Variants in IP6K3 observed in about 807,000 individuals in gnomAD.
IP6K3 encodes the protein ATP:1D-myo-inositol-hexakisphosphate phosphotransferase.
In IP6K3, 20 loss-of-function variants were observed where a neutral mutation model predicts 28.8. That is an observed-to-expected ratio of 0.70 (90% CI 0.49 to 1.01). The LOEUF (loss-of-function observed/expected upper bound fraction) is 1.01. Among genes scored for constraint, IP6K3 ranks in the 50% least tolerant of loss-of-function variants. The pLI is 0.00. For missense variants in IP6K3, 480 were observed against 537.1 expected (o/e 0.89, Z 1.05); for synonymous variants, 213 against 221.3 (o/e 0.96, Z 0.33).
intron 1 of IP6K3, among the ~76,000 whole-genome samples, chr6:33,739,920 G>A (rs1223546239): frequency 1.3e-5 from 2 of 152,204 alleles, no homozygotes; most frequent in African/African-American, 2.4e-5. Context: ...CATGATGCTC[G>A]GAAGACAAAG....
At chr6:33,734,843 G>A (rs1455608793) in intron 2 of IP6K3, among the ~76,000 whole-genome samples, 3 of 152,204 alleles carry the variant, frequency 2.0e-5, no homozygotes, top group Non-Finnish European at 4.4e-5. Context: ...CCACATCGCA[G>A]CATCCCAAGC....
At position 33,722,725 on chromosome 6, in the gene IP6K3, C is replaced by A; in HGVS notation, c.1228G>T (p.Glu410Ter). The change falls in exon 6 of 6, where the codon GAA becomes TAA. Residue 410 changes from glutamate (E) to a stop codon, truncating the protein, a stop_gained. Transcript: ENST00000293756. LOFTEE classifies it high-confidence loss of function. ...IRILQDIQEGE is the reference protein window; with the variant it reads ...IRILQDIQEG Reference sequence around the variant, plus strand: ...CCAGATAAGCCCAGGAAGTTTCATTCTCCCTCTTGGATATCCTGCAGGATC... The same window carrying A: ...CCAGATAAGCCCAGGAAGTTTCATTATCCCTCTTGGATATCCTGCAGGATC... 1 of 1,598,356 alleles carries A rather than the reference C, an allele frequency of 6.3e-7. No homozygotes were observed. Among genetic ancestry groups the A allele is most frequent in the Non-Finnish European group, 8.5e-7 (1 of 1,170,404 alleles).
chr6:33,758,971 C>T, the IP6K3 span, among the ~76,000 whole-genome samples: 1 of 152,158 alleles, frequency 6.6e-6, no homozygotes, highest in Non-Finnish European at 1.5e-5. Flanking sequence ...ATTTACGTGT[C>T]GTAACACTAA....
At position 33,746,359 on chromosome 6, in the gene IP6K3, G is replaced by A. The variant is rs147876535; in HGVS notation, c.-180+399C>T. On this transcript the variant is annotated intron_variant, in intron 1 of 5. Coordinates refer to ENST00000293756, the MANE Select transcript of IP6K3 (RefSeq NM_054111.5). The surrounding 1 kb of genome is among the most constrained non-coding windows in gnomAD (Gnocchi z 6.5). ...ATGCTGCCCGCGTTTCTTGGACACC[G>A]GCCTCTGTTAAGGGTTAACGCAGCC... 2.7e-3 allele frequency among the ~76,000 whole-genome samples: 412 copies of A among 152,208 alleles called. 2 individuals are homozygous for A. The highest frequency in any genetic ancestry group is 9.0e-3 in the African/African-American group (372 of 41,504).
intron 1 of IP6K3, 78 bp from the exon 2 acceptor site, chr6:33,735,733 C>A: frequency 1.4e-6 from 1 of 705,076 alleles, no homozygotes; most frequent in Non-Finnish European, 2.2e-6. Flanking sequence ...GAAGGGCCCA[C>A]ACAGCCTCGA....
chr6:33,758,143 C>T, the IP6K3 span, among the ~76,000 whole-genome samples: 1 of 152,092 alleles, frequency 6.6e-6, no homozygotes, highest in Non-Finnish European at 1.5e-5. Context: ...ATCAGATTAC[C>T]GGAGGTATGT....
upstream of IP6K3, among the ~76,000 whole-genome samples, chr6:33,750,722 C>T (rs115184759): frequency 6.6e-6 from 1 of 152,310 alleles, no homozygotes; most frequent in African/African-American, 2.4e-5. This position sits in a 1 kb window ranked among gnomAD's most constrained non-coding sequence, Gnocchi z 4.3. Flanking sequence ...CTGGCTTTCC[C>T]TCCTGGGCTC....
intron 2 of IP6K3, among the ~76,000 whole-genome samples, chr6:33,731,567 G>C (rs530717068): frequency 1.3e-5 from 2 of 152,150 alleles, no homozygotes; most frequent in Admixed American, 6.5e-5. Flanking sequence ...GTCTTTCTGC[G>C]TGCCTCTGAC....
In IP6K3 at chr6:33,742,471, CT is replaced by C. The variant is rs1467440455; in HGVS notation, c.-180+4286del. On this transcript the variant is annotated intron_variant, in intron 1 of 5. Transcript: ENST00000293756. This position sits in a 1 kb window ranked among gnomAD's most constrained non-coding sequence, Gnocchi z 4.5. ...GAACCGCACACCCAGGGGCAGCATG[CT>C]GCTGGTGGGCAGTGTCTAACGAAGT... is the stretch of plus-strand genomic sequence containing the variant. Among the ~76,000 whole-genome samples the C allele has an allele frequency of 6.6e-6, 1 of 152,156 alleles. No homozygotes were observed. The highest frequency in any genetic ancestry group is 2.4e-5 in the African/African-American group (1 of 41,434).
intron 2 of IP6K3, among the ~76,000 whole-genome samples, chr6:33,730,268 G>C (rs1224101813): frequency 6.6e-6 from 1 of 152,200 alleles, no homozygotes; most frequent in East Asian, 1.9e-4. Context: ...CTCGTTATCA[G>C]GGCTGCTCTA....
In IP6K3 at chr6:33,722,531, A is replaced by C; in HGVS notation, c.*189T>G. 2.0e-6 allele frequency: 1 copy of C among 501,570 alleles called. No individual in the cohort carries two copies. Among genetic ancestry groups the C allele is most frequent in the Non-Finnish European group, 3.5e-6 (1 of 283,530 alleles). 31.1% of individuals were successfully genotyped at this position (501,570 alleles called of 1,614,324 possible). ...CAGCATTAGAGCATAATGCCAGGGG[A>C]TGTGGAATCACCTCCAGAGCTGATT... On this transcript the variant is annotated 3_prime_UTR_variant, in exon 6 of 6. Transcript: ENST00000293756.
Position 33,726,687 on chromosome 6 carries a change from C to T in IP6K3, c.589+44G>A, listed in dbSNP as rs775860961. 5.2e-5 allele frequency: 78 copies of T among 1,512,884 alleles called. No individual in the cohort carries two copies. In the East Asian group the frequency reaches 1.1e-3, roughly 21 times the overall value. The allele number at this position is 1,512,884 out of a possible 1,614,324, so 93.7% of individuals were successfully genotyped here. On this transcript the variant is annotated intron_variant, in intron 4 of 5. Transcript: ENST00000293756. Reference sequence around the variant, plus strand: ...CCTCTGCCCCTCTGTGTCTCTCTGTCGCCCCGCCCTTGGGACCACATGTGA... The same window carrying T: ...CCTCTGCCCCTCTGTGTCTCTCTGTTGCCCCGCCCTTGGGACCACATGTGA...
At chr6:33,724,805 C>G (rs1027250432) in intron 5 of IP6K3, among the ~76,000 whole-genome samples, 6 of 152,224 alleles carry the variant, frequency 3.9e-5, no homozygotes, top group African/African-American at 1.2e-4. Context: ...CCAGCCCAGC[C>G]TCACACACTG....
rs771186925 is a variant in IP6K3, at chr6:33,723,034, G to C, written c.919C>G (p.Arg307Gly). The C allele has an allele frequency of 2.5e-6, 4 of 1,614,016 alleles. No homozygotes were observed. The East Asian group carries it at 8.9e-5, about 36-fold the overall frequency. The change falls in exon 6 of 6, where the codon CGG (arginine) becomes GGG (glycine). Residue 307 changes from arginine (R) to glycine (G), a missense_variant. Physicochemically the swap from Arg to Gly is moderately radical, Grantham distance 125. Transcript: ENST00000293756. ...ELLEPILHQL[R>G]ALLSVIRSQS... The stretch of plus-strand genomic sequence containing the variant: ...CTCCTAATGACAGAGAGGAGGGCCC[G>C]GAGCTGGTGCAGGATGGGCTCCAGG...
Position 33,725,581 on chromosome 6 carries a change from T to A in IP6K3, c.625A>T (p.Thr209Ser). The A allele has an allele frequency of 1.2e-6, 2 of 1,614,210 alleles. No individual in the cohort carries two copies. The highest frequency in any genetic ancestry group is 2.2e-5 in the South Asian group (2 of 91,082). The change falls in exon 5 of 6, where the codon ACG becomes TCG. Residue 209 changes from threonine (T) to serine (S), a missense_variant. Transcript: ENST00000293756. ...TTCAGATCCAGGACACAGGGATGCG[T>A]GTACTGTGACACTACATTTTCCAGC... ...LLLENVVSQY[T>S]HPCVLDLKMG...
intron 2 of IP6K3, among the ~76,000 whole-genome samples, chr6:33,730,527 G>T (rs560930649): frequency 6.6e-6 from 1 of 152,156 alleles, no homozygotes; most frequent in South Asian, 2.1e-4. Context: ...TGCCACTAGC[G>T]TCCACCCCTA....
chr6:33,759,947 A>T, the IP6K3 span, among the ~76,000 whole-genome samples: 2 of 152,020 alleles, frequency 1.3e-5, no homozygotes, highest in East Asian at 3.9e-4. Flanking sequence ...TGGACCCCCC[A>T]CCTTGCCCTG....
the IP6K3 span, among the ~76,000 whole-genome samples, chr6:33,760,045 C>T: frequency 2.0e-5 from 3 of 152,288 alleles, no homozygotes; most frequent in Non-Finnish European, 2.9e-5. Flanking sequence ...TGCGAGCCTG[C>T]GGGAGGTCAG....
At chr6:33,739,734 G>A (rs142751230) in intron 1 of IP6K3, among the ~76,000 whole-genome samples, 2 of 152,346 alleles carry the variant, frequency 1.3e-5, no homozygotes, top group East Asian at 3.9e-4. Flanking sequence ...CACTTCTGCC[G>A]TTGGCATGGG....
Sources: gnomAD v4.1 joint callset for allele counts (sites outside exome capture counted in the v4.1 genomes callset) on GRCh38, gnomAD v4.1.1 for gene constraint, Gnocchi (gnomAD v3.1) non-coding constraint, MANE v1.5 for transcripts, NCBI Gene and HGNC (gene_info 2026-07-23, HGNC 2026-07-21) for gene names.